The following CSMD1 variants were observed in gnomAD, a reference collection of about 807,000 sequenced individuals.
The protein encoded by CSMD1 is CUB and sushi domain-containing protein 1.
A neutral mutation model predicts 417.5 loss-of-function variants in CSMD1; 213 were observed. The observed-to-expected ratio is 0.51, with a 90% CI of 0.46 to 0.57. CSMD1 has a LOEUF of 0.57. Among genes scored for constraint, CSMD1 ranks in the 20% least tolerant of loss-of-function variants. The probability of loss-of-function intolerance (pLI) is 0.00; values close to 1 mark genes in which losing one functional copy is unlikely to be tolerated. For missense variants in CSMD1, 6,923 were observed against 4,529.7 expected (o/e 1.53, Z -15.17); for synonymous variants, 2,862 against 1,736.8 (o/e 1.65, Z -16.11).
At chr8:4,951,383 G>A (rs559697180) in intron 1 of CSMD1, among the ~76,000 whole-genome samples, 4 of 151,078 alleles carry the variant, frequency 2.6e-5, no homozygotes, top group African/African-American at 7.3e-5. Flanking sequence ...TAGCCAGTCA[G>A]GATCAGAGGT....
chr8:3,177,391 T>G (rs1249426267), intron 37 of CSMD1, among the ~76,000 whole-genome samples: 1 of 152,206 alleles, frequency 6.6e-6, no homozygotes, highest in African/African-American at 2.4e-5. Context: ...TGCATGTCCC[T>G]GAAGCTTTGC....
At chr8:3,250,533 C>G (rs1189594273) in intron 26 of CSMD1, among the ~76,000 whole-genome samples, 1 of 152,152 alleles carries the variant, frequency 6.6e-6, no homozygotes, top group African/African-American at 2.4e-5. Context: ...ATGAATGGGT[C>G]TTTATAGCAG....
At chr8:3,380,162 A>G (rs1403269345) in intron 18 of CSMD1, among the ~76,000 whole-genome samples, 2 of 152,222 alleles carry the variant, frequency 1.3e-5, no homozygotes, top group Admixed American at 1.3e-4. Context: ...TGGTCATTAG[A>G]GAAATGCACA....
chr8:3,526,189 T>C (rs955635753), intron 10 of CSMD1, among the ~76,000 whole-genome samples: 29 of 152,322 alleles, frequency 1.9e-4, no homozygotes, highest in African/African-American at 6.7e-4. Context: ...ATTTCTGACA[T>C]TTTCTCATCA....
chr8:3,307,743 T>A lies in CSMD1; in HGVS notation c.3902A>T (p.Asn1301Ile). Reference protein sequence around the residue: ...SPGYPAPYDNNLHCTWIIEAD... With the variant: ...SPGYPAPYDNILHCTWIIEAD... The stretch of plus-strand genomic sequence containing the variant: ...CTCTATAATCCAGGTGCAGTGGAGG[T>A]TGTTGTCATACGGAGCTGGATAGCC... Residue 1301 changes from asparagine to isoleucine, a missense_variant, in exon 25 of 70, where the codon AAC (asparagine) becomes ATC (isoleucine). By Grantham distance (149) the Asn-to-Ile change is moderately radical. Coordinates refer to ENST00000635120, the MANE Select transcript of CSMD1 (RefSeq NM_033225.6). 6.2e-7 allele frequency: 1 copy of A among 1,613,680 alleles called. No individual in the cohort carries two copies. Among genetic ancestry groups the A allele is most frequent in the Non-Finnish European group, 8.5e-7 (1 of 1,179,706 alleles).
chr8:4,360,539 G>C (rs574698745), intron 3 of CSMD1, among the ~76,000 whole-genome samples: 1 of 152,164 alleles, frequency 6.6e-6, no homozygotes, highest in Non-Finnish European at 1.5e-5. Flanking sequence ...GCCCAGGCTG[G>C]AGGGCAGTGG....
At chr8:4,469,595 C>A (rs1023350417) in intron 2 of CSMD1, among the ~76,000 whole-genome samples, 1 of 152,264 alleles carries the variant, frequency 6.6e-6, no homozygotes, top group Middle Eastern at 3.4e-3. Flanking sequence ...TTGGAGTGGT[C>A]TTTGACTCTG....
intron 2 of CSMD1, among the ~76,000 whole-genome samples, chr8:4,433,276 C>T (rs187080019): frequency 6.6e-6 from 1 of 152,234 alleles, no homozygotes; most frequent in Admixed American, 6.5e-5. Flanking sequence ...CCATTTCCTC[C>T]CACACCCTGG....
intron 46 of CSMD1, among the ~76,000 whole-genome samples, chr8:3,103,076 A>C (rs193039746): frequency 5.6e-4 from 86 of 152,332 alleles, no homozygotes; most frequent in African/African-American, 2.0e-3. Context: ...GAGGCTCCAG[A>C]GGAAGGTCTT....
rs996923867 is a variant in CSMD1, at chr8:3,557,346, G to A, written c.1344+17599C>T. Reference sequence around the variant, plus strand: ...AGACCATCGCTGCCTCTCTAGTGGGGTAAAACATTCCAAACTTGGCCATTA... The same window carrying A: ...AGACCATCGCTGCCTCTCTAGTGGGATAAAACATTCCAAACTTGGCCATTA... On this transcript the variant is annotated intron_variant, in intron 10 of 69. Transcript: ENST00000635120. Among the ~76,000 whole-genome samples the A allele has an allele frequency of 2.0e-5, 3 of 152,128 alleles. 1 individual carries two copies. Among genetic ancestry groups the A allele is most frequent in the South Asian group, 4.1e-4 (2 of 4,822 alleles).
At chr8:3,644,814 T>A (rs1244672687) in intron 7 of CSMD1, among the ~76,000 whole-genome samples, 1 of 151,816 alleles carries the variant, frequency 6.6e-6, no homozygotes, top group African/African-American at 2.4e-5. Context: ...CCACTTAACA[T>A]CCTCCCTCCA....
chr8:3,494,598 AG>A (rs1563092158), intron 10 of CSMD1, among the ~76,000 whole-genome samples: 3 of 139,962 alleles, frequency 2.1e-5, no homozygotes, highest in African/African-American at 5.2e-5. Context: ...ATAGATAGAT[AG>A]ATAGATAGAT....
At chr8:3,113,017 A>G (rs10503196) in intron 42 of CSMD1, 48,678 of 152,070 alleles carry the variant, frequency 0.32, 8,174 homozygotes, top group African/African-American at 0.41. Flanking sequence ...GCATTTCCCC[A>G]AGTGGTGGCG....
At chr8:4,455,703 G>C (rs998632647) in intron 2 of CSMD1, among the ~76,000 whole-genome samples, 3 of 151,586 alleles carry the variant, frequency 2.0e-5, no homozygotes, top group Admixed American at 1.3e-4. Flanking sequence ...GGCCGAAGCG[G>C]GTCGATCACC....
At chr8:3,118,653 G>C (rs1001431303) in intron 41 of CSMD1, 66 bp from the exon 42 acceptor site, 297 of 1,443,044 alleles carry the variant, frequency 2.1e-4, no homozygotes, top group Non-Finnish European at 2.7e-4. Flanking sequence ...GGAATTTGCA[G>C]GAGTGTCATC....
chr8:4,761,855 C>G (rs1812095342), intron 1 of CSMD1, among the ~76,000 whole-genome samples: 1 of 74,546 alleles, frequency 1.3e-5, no homozygotes, highest in South Asian at 5.5e-4. Flanking sequence ...ATCTATCTAT[C>G]TATCTATCTA....
At chr8:2,951,345 C>G (rs1444173506) in intron 65 of CSMD1, 70 bp from the exon 66 acceptor site, 2 of 1,449,292 alleles carry the variant, frequency 1.4e-6, no homozygotes, top group Non-Finnish European at 1.9e-6. Flanking sequence ...TTATTAAACA[C>G]AGAAGGCATC....
intron 3 of CSMD1, among the ~76,000 whole-genome samples, chr8:4,134,369 T>G (rs1046337007): frequency 3.3e-5 from 5 of 152,142 alleles, no homozygotes. Flanking sequence ...TATTCTTATA[T>G]GAAGAAATCG....
At chr8:3,669,237 C>G (rs1798859197) in intron 7 of CSMD1, among the ~76,000 whole-genome samples, 1 of 152,198 alleles carries the variant, frequency 6.6e-6, no homozygotes, top group Admixed American at 6.5e-5. Context: ...TAAGGTAGCA[C>G]ACTGCATCAA....
Sources: allele counts gnomAD v4.1 joint callset (sites outside exome capture counted in the v4.1 genomes callset), GRCh38; gene constraint gnomAD v4.1.1; transcripts MANE v1.5; gene names NCBI Gene and HGNC (gene_info 2026-07-23, HGNC 2026-07-21).